The following RNFT2 variants were observed in gnomAD, a reference collection of about 807,000 sequenced individuals.
RNFT2 encodes the protein E3 ubiquitin-protein ligase RNFT2.
In RNFT2, 36 loss-of-function variants were observed where a neutral mutation model predicts 53.0. That is an observed-to-expected ratio of 0.68 (90% CI 0.52 to 0.90). The LOEUF is 0.90. Among genes scored for constraint, RNFT2 ranks in the 40% least tolerant of loss-of-function variants. The pLI is 0.00. For synonymous variants in RNFT2, 260 were observed against 253.2 expected (o/e 1.03, Z -0.26); for missense variants, 514 against 585.6 (o/e 0.88, Z 1.26).
chr12:116,764,245 G>T, intron 5 of RNFT2, among the ~76,000 whole-genome samples: 1 of 151,936 alleles, frequency 6.6e-6, no homozygotes, highest in Non-Finnish European at 1.5e-5. Flanking sequence ...CTACAAATTG[G>T]GTTCAGTGTA....
intron 10 of RNFT2, among the ~76,000 whole-genome samples, 184 bp downstream of exon 10, chr12:116,836,466 G>A (rs922842801): frequency 3.9e-5 from 6 of 152,200 alleles, no homozygotes; most frequent in Admixed American, 3.3e-4. Context: ...ACTTGGGCAC[G>A]TTATTTCACC....
intron 7 of RNFT2, among the ~76,000 whole-genome samples, chr12:116,810,578 G>A (rs943591468): frequency 2.0e-5 from 3 of 152,128 alleles, no homozygotes; most frequent in Non-Finnish European, 4.4e-5. Flanking sequence ...TCTTGGCTCC[G>A]AGACCCACCC....
chr12:116,848,580 C>T (rs1009629005), intron 10 of RNFT2, among the ~76,000 whole-genome samples: 1 of 152,244 alleles, frequency 6.6e-6, no homozygotes, highest in East Asian at 1.9e-4. Flanking sequence ...CCCCAACAAC[C>T]CCAGCCCAGC....
intron 7 of RNFT2, among the ~76,000 whole-genome samples, chr12:116,802,307 G>A (rs181632737): frequency 1.3e-4 from 20 of 152,280 alleles, no homozygotes; most frequent in Admixed American, 7.8e-4. Context: ...TTATTGAGGA[G>A]CACAGCATCT....
chr12:116,753,137 TTTTTCTTTTTC>T (rs1437574069), intron 4 of RNFT2, among the ~76,000 whole-genome samples: 1 of 79,020 alleles, frequency 1.3e-5, no homozygotes, highest in Non-Finnish European at 2.8e-5. Flanking sequence ...TTCTTTTTCT[TTTTTCTTTTTC>T]TTTTTTTTTT....
chr12:116,833,942 G>A lies in RNFT2; in HGVS notation c.1032+1G>A. The A allele has an allele frequency of 4.4e-6, 7 of 1,599,394 alleles. No homozygotes were observed. Among genetic ancestry groups the A allele is most frequent in the Non-Finnish European group, 6.0e-6 (7 of 1,174,024 alleles). ...GATCGTTCTCTACAGCCTCTGCAAGGTGAGGTGGCCCCAAGGCTGGAGGGC... is the reference window on the plus strand; with the variant it reads ...GATCGTTCTCTACAGCCTCTGCAAGATGAGGTGGCCCCAAGGCTGGAGGGC... On this transcript the variant is annotated splice_donor_variant, in intron 8 of 10. Coordinates refer to ENST00000257575, the MANE Select transcript of RNFT2 (RefSeq NM_001382266.1). LOFTEE classifies it high-confidence loss of function.
At chr12:116,781,294 A>G (rs2137119218) in intron 7 of RNFT2, among the ~76,000 whole-genome samples, 1 of 152,182 alleles carries the variant, frequency 6.6e-6, no homozygotes, top group Middle Eastern at 3.4e-3. Context: ...ACCTGCGCGA[A>G]CTATATCAAT....
chr12:116,795,142 A>T (rs1299902266), intron 7 of RNFT2, among the ~76,000 whole-genome samples: 1 of 152,152 alleles, frequency 6.6e-6, no homozygotes, highest in African/African-American at 2.4e-5. Context: ...CCGGTGGCTC[A>T]TGCCTGTAAT....
intron 7 of RNFT2, among the ~76,000 whole-genome samples, chr12:116,806,380 A>AT (rs1555207565): frequency 1.1e-4 from 15 of 131,276 alleles, no homozygotes; most frequent in East Asian, 9.2e-4. Flanking sequence ...AAAAAAAAAA[A>AT]AATATATATA....
intron 7 of RNFT2, among the ~76,000 whole-genome samples, chr12:116,795,222 A>G (rs886597735): frequency 6.6e-6 from 1 of 152,086 alleles, no homozygotes; most frequent in Non-Finnish European, 1.5e-5. Flanking sequence ...CCTGGCCAAC[A>G]TGGCAAAACC....
chr12:116,780,694 A>G (rs7307465), intron 7 of RNFT2, among the ~76,000 whole-genome samples: 13,292 of 150,516 alleles, frequency 0.088, 1,671 homozygotes, highest in African/African-American at 0.28. Flanking sequence ...AGAGATGTGG[A>G]GAAGAAAGGC....
chr12:116,798,540 A>G (rs1408170254), intron 7 of RNFT2, among the ~76,000 whole-genome samples: 3 of 152,120 alleles, frequency 2.0e-5, no homozygotes, highest in Admixed American at 6.6e-5. Context: ...ATGGGATCAT[A>G]ATAGTACCTA....
Position 116,849,733 on chromosome 12 carries a change from G to A in RNFT2, c.*285G>A, listed in dbSNP as rs1164211377. On this transcript the variant is annotated 3_prime_UTR_variant, in exon 11 of 11. Coordinates refer to ENST00000257575, the MANE Select transcript of RNFT2 (RefSeq NM_001382266.1). ...TCTTCCTTCTCCACTCCAAGTCAAG[G>A]ACCTGGCAATACATGAAGTTCCCAC... 4.2e-6 allele frequency: 5 copies of A among 1,197,472 alleles called. No homozygotes were observed. The highest frequency in any genetic ancestry group is 4.1e-6 in the Non-Finnish European group (4 of 966,558). The allele number at this position is 1,197,472 out of a possible 1,614,324, so 74.2% of individuals were successfully genotyped here.
At chr12:116,798,520 C>G (rs1874614365) in intron 7 of RNFT2, among the ~76,000 whole-genome samples, 1 of 152,132 alleles carries the variant, frequency 6.6e-6, no homozygotes, top group Non-Finnish European at 1.5e-5. Flanking sequence ...TTCATTTTCT[C>G]ATCTGTAAAA....
chr12:116,744,915 G>A (rs1871823740), intron 3 of RNFT2, among the ~76,000 whole-genome samples: 1 of 152,090 alleles, frequency 6.6e-6, no homozygotes, highest in African/African-American at 2.4e-5. Flanking sequence ...GAGAGAGAGT[G>A]GCCTCCTCAT....
intron 7 of RNFT2, among the ~76,000 whole-genome samples, chr12:116,826,215 C>T (rs924360111): frequency 1.3e-5 from 2 of 152,108 alleles, no homozygotes; most frequent in African/African-American, 2.4e-5. Flanking sequence ...TCTGTTGTTT[C>T]GATGTTTCCC....
chr12:116,766,943 G>T, intron 6 of RNFT2, 29 bp downstream of exon 6: 3 of 1,482,856 alleles, frequency 2.0e-6, no homozygotes, highest in East Asian at 2.4e-5. Flanking sequence ...CCCCCACGGT[G>T]GGAGAGTGGG....
At chr12:116,806,985 T>C (rs900114861) in intron 7 of RNFT2, among the ~76,000 whole-genome samples, 4 of 152,170 alleles carry the variant, frequency 2.6e-5, no homozygotes, top group African/African-American at 9.7e-5. Flanking sequence ...CCTTTTTACA[T>C]GGCTTCCCGG....
intron 7 of RNFT2, among the ~76,000 whole-genome samples, chr12:116,797,488 G>A (rs919084582): frequency 1.3e-5 from 2 of 152,120 alleles, no homozygotes; most frequent in Non-Finnish European, 2.9e-5. Flanking sequence ...GAACCCGGGA[G>A]GTGGAGGTTG....
Sources: allele counts gnomAD v4.1 joint callset (sites outside exome capture counted in the v4.1 genomes callset), GRCh38; gene constraint gnomAD v4.1.1; transcripts MANE v1.5; gene names NCBI Gene and HGNC (gene_info 2026-07-23, HGNC 2026-07-21).